The following TIMD4 variants were observed in gnomAD, a reference collection of about 807,000 sequenced individuals.
The protein encoded by TIMD4 is T-cell immunoglobulin and mucin domain-containing protein 4.
TIMD4 carries 31 observed loss-of-function variants against 41.2 expected under a neutral mutation model. That is an observed-to-expected ratio of 0.75 (90% CI 0.57 to 1.01). The LOEUF is 1.01. Ranked by LOEUF, TIMD4 falls within the 50% of genes least tolerant of loss-of-function variation. The pLI is 0.00. For missense variants in TIMD4, 479 were observed against 472.5 expected (o/e 1.01, Z -0.13); for synonymous variants, 204 against 177.1 (o/e 1.15, Z -1.21).
intron 4 of TIMD4, among the ~76,000 whole-genome samples, chr5:156,949,418 C>CCCTCCT (rs150412627): frequency 2.8e-3 from 410 of 146,182 alleles, no homozygotes; most frequent in African/African-American, 9.4e-3. Context: ...TTCCCTACCT[C>CCCTCCT]CCTCCTCCTC....
intron 5 of TIMD4, among the ~76,000 whole-genome samples, chr5:156,945,891 TGG>T: frequency 6.6e-6 from 1 of 152,068 alleles, no homozygotes; most frequent in Non-Finnish European, 1.5e-5. Flanking sequence ...TTAAATGAAG[TGG>T]CCCAGGAAGA....
chr5:156,940,678 G>A (rs1438171103), intron 5 of TIMD4, among the ~76,000 whole-genome samples: 10 of 151,374 alleles, frequency 6.6e-5, no homozygotes, highest in East Asian at 5.9e-4. Flanking sequence ...GCCTCTGCCC[G>A]GCTGCCCCGT....
chr5:156,957,172 G>A (rs112266110), intron 1 of TIMD4, among the ~76,000 whole-genome samples: 28 of 152,106 alleles, frequency 1.8e-4, no homozygotes, highest in African/African-American at 6.3e-4. Flanking sequence ...AGCCTTCCCC[G>A]AATTTAGTCT....
chr5:156,947,817 G>A (rs780155137), intron 5 of TIMD4, among the ~76,000 whole-genome samples: 1 of 152,160 alleles, frequency 6.6e-6, no homozygotes, highest in Non-Finnish European at 1.5e-5. Flanking sequence ...ATTATCTCAT[G>A]GCAGGGGGCT....
rs558809287 is a variant in TIMD4, at chr5:156,926,170, C to G, written c.894+93G>C. The G allele has an allele frequency of 2.9e-6, 4 of 1,356,198 alleles. No homozygotes were observed. The East Asian group carries it at 9.8e-5, about 33-fold the overall frequency. 84.0% of individuals were successfully genotyped at this position (1,356,198 alleles called of 1,614,324 possible). A position where few individuals can be genotyped will look rare whatever the true frequency, so the allele number is the denominator to read the frequency against. ...CTGCCCACCTTGGCCTCCCAAAGTG[C>G]TGGGATTATAGGCATGAGCCACCGT... is the stretch of plus-strand genomic sequence containing the variant. On this transcript the variant is annotated intron_variant, in intron 6 of 8. Coordinates refer to ENST00000274532, the MANE Select transcript of TIMD4 (RefSeq NM_138379.3).
chr5:156,947,065 G>T (rs1367660354), intron 5 of TIMD4, among the ~76,000 whole-genome samples: 2 of 151,982 alleles, frequency 1.3e-5, no homozygotes, highest in Non-Finnish European at 2.9e-5. Flanking sequence ...AGGCATGGTG[G>T]CATGTGCCTG....
In TIMD4 at chr5:156,919,432, C is replaced by A; in HGVS notation, c.*25G>T. On this transcript the variant is annotated 3_prime_UTR_variant, in exon 9 of 9. Coordinates refer to ENST00000274532, the MANE Select transcript of TIMD4 (RefSeq NM_138379.3). The stretch of plus-strand genomic sequence containing the variant: ...GACACTGGAGTGTCATGCCCCCATC[C>A]TCAATCTAACATGCTACTGCGTTGT... 1.2e-6 allele frequency: 2 copies of A among 1,605,352 alleles called. No homozygotes were observed. The highest frequency in any genetic ancestry group is 1.7e-6 in the Non-Finnish European group (2 of 1,172,232).
At chr5:156,925,895 G>C (rs1759338809) in intron 6 of TIMD4, among the ~76,000 whole-genome samples, 1 of 151,952 alleles carries the variant, frequency 6.6e-6, no homozygotes, top group Non-Finnish European at 1.5e-5. Context: ...TTTTTTGTTT[G>C]TTTGTTTTTT....
chr5:156,946,687 A>G (rs1173071535), intron 5 of TIMD4, among the ~76,000 whole-genome samples: 1 of 149,736 alleles, frequency 6.7e-6, no homozygotes, highest in Non-Finnish European at 1.5e-5. Context: ...GGGTTTCACC[A>G]TGTTAGACAG....
At chr5:156,943,511 C>T (rs994770899) in intron 5 of TIMD4, among the ~76,000 whole-genome samples, 1 of 152,126 alleles carries the variant, frequency 6.6e-6, no homozygotes, top group South Asian at 2.1e-4. Flanking sequence ...TAATGCCACC[C>T]AACAGGCTAT....
At position 156,922,121 on chromosome 5, in the gene TIMD4, C is replaced by A; in HGVS notation, c.990G>T (p.Leu330Phe). 1 of 1,613,900 alleles carries A rather than the reference C, an allele frequency of 6.2e-7. No homozygotes were observed. ...APSLGFVLFA[L>F]FVAFLLRGKL... Reference sequence around the variant, plus strand: ...TACCTCTCAGGAGAAACGCCACAAACAATGCGAAGAGCACAAATCCCAAGG... The same window carrying A: ...TACCTCTCAGGAGAAACGCCACAAAAAATGCGAAGAGCACAAATCCCAAGG... Residue 330 changes from leucine (L) to phenylalanine (F), a missense_variant, in exon 7 of 9, where the codon TTG becomes TTT. By Grantham distance (22) the Leu-to-Phe change is conservative. Transcript: ENST00000274532.
chr5:156,954,862 T>A, intron 1 of TIMD4, 106 bp from the exon 2 acceptor site: 1 of 975,954 alleles, frequency 1.0e-6, no homozygotes, highest in Non-Finnish European at 1.5e-6. Flanking sequence ...AAGAAAGCTG[T>A]AGTCTATGTT....
chr5:156,944,202 AGTTGTTACT>A (rs1431464448), intron 5 of TIMD4, among the ~76,000 whole-genome samples: 2 of 152,126 alleles, frequency 1.3e-5, no homozygotes, highest in African/African-American at 4.8e-5. Flanking sequence ...TTTTCATGTG[AGTTGTTACT>A]GTTGTTTTAT....
Position 156,933,332 on chromosome 5 carries a change from CAT to C in TIMD4, c.845-7022_845-7021del, listed in dbSNP as rs1406527980. On this transcript the variant is annotated intron_variant, in intron 5 of 8. Transcript: ENST00000274532. ...ACAACTTTGAGACCAGCCTGGGAAA[CAT>C]ATCAAGATGCTCTCTCTACAAAAAA... 3.9e-5 allele frequency among the ~76,000 whole-genome samples: 6 copies of C among 151,980 alleles called. 1 individual carries two copies. The highest frequency in any genetic ancestry group is 8.8e-5 in the Non-Finnish European group (6 of 68,008).
Position 156,931,678 on chromosome 5 carries a change from T to A in TIMD4, c.845-5366A>T, listed in dbSNP as rs116088602. Among the ~76,000 whole-genome samples the A allele has an allele frequency of 9.8e-4, 150 of 152,362 alleles. 2 individuals are homozygous for A. Among genetic ancestry groups the A allele is most frequent in the African/African-American group, 3.4e-3 (142 of 41,584 alleles). Reference sequence around the variant, plus strand: ...GCTTGTATTTTGGTCTCTTGAGTTCTTGGTAGGCATGGGCACTCTGGTAAA... The same window carrying A: ...GCTTGTATTTTGGTCTCTTGAGTTCATGGTAGGCATGGGCACTCTGGTAAA... On this transcript the variant is annotated intron_variant, in intron 5 of 8. Coordinates refer to ENST00000274532, the MANE Select transcript of TIMD4 (RefSeq NM_138379.3).
At chr5:156,944,162 A>T (rs1314889967) in intron 5 of TIMD4, among the ~76,000 whole-genome samples, 1 of 152,188 alleles carries the variant, frequency 6.6e-6, no homozygotes, top group Non-Finnish European at 1.5e-5. Flanking sequence ...TCACTCTAAT[A>T]GATTTGGGGG....
At chr5:156,922,635 T>C (rs1231500672) in intron 6 of TIMD4, among the ~76,000 whole-genome samples, 1 of 152,232 alleles carries the variant, frequency 6.6e-6, no homozygotes, top group Non-Finnish European at 1.5e-5. Flanking sequence ...AAAGTCTAGA[T>C]GGGGGGCCCA....
At chr5:156,923,318 T>G (rs766475760) in intron 6 of TIMD4, among the ~76,000 whole-genome samples, 1 of 151,928 alleles carries the variant, frequency 6.6e-6, no homozygotes, top group Non-Finnish European at 1.5e-5. Context: ...CCGGCTAATT[T>G]TTTTGTTTTT....
chr5:156,963,200 T>C lies in TIMD4; in HGVS notation c.-2A>G, dbSNP rs1462554611. 1 of 1,614,154 alleles carries C rather than the reference T, an allele frequency of 6.2e-7. No individual in the cohort carries two copies. On this transcript the variant is annotated 5_prime_UTR_variant, in exon 1 of 9. Coordinates refer to ENST00000274532, the MANE Select transcript of TIMD4 (RefSeq NM_138379.3). ...GAGAATGAGAGGTTCTTTGGACATT[T>C]TGACGGTTGACCGGACCCAGGAGTC... is the stretch of plus-strand genomic sequence containing the variant.
Sources: gnomAD v4.1 joint callset for allele counts (sites outside exome capture counted in the v4.1 genomes callset) on GRCh38, gnomAD v4.1.1 for gene constraint, MANE v1.5 for transcripts, NCBI Gene and HGNC (gene_info 2026-07-23, HGNC 2026-07-21) for gene names.